NRXN3: variants seen among roughly 807,000 people sequenced by gnomAD.
The protein encoded by NRXN3 is neurexin 3.
In NRXN3, 32 loss-of-function variants were observed where a neutral mutation model predicts 137.6. That is an observed-to-expected ratio of 0.23 (90% CI 0.18 to 0.31). The LOEUF (loss-of-function observed/expected upper bound fraction) is 0.31, where lower values mean the gene tolerates loss of function less well. Ranked by LOEUF, NRXN3 falls within the 10% of genes least tolerant of loss-of-function variation. The pLI is 1.00. For synonymous variants in NRXN3, 798 were observed against 784.5 expected (o/e 1.02, Z -0.29); for missense variants, 1,574 against 2,062.5 (o/e 0.76, Z 4.59).
chr14:79,242,298 G>A (rs1419387605), intron 15 of NRXN3, among the ~76,000 whole-genome samples: 1 of 152,088 alleles, frequency 6.6e-6, no homozygotes, highest in African/African-American at 2.4e-5. Flanking sequence ...ATCAGCTGGA[G>A]AAGTTAGTGT....
At chr14:79,023,290 G>A (rs2099592772) in intron 15 of NRXN3, among the ~76,000 whole-genome samples, 1 of 151,984 alleles carries the variant, frequency 6.6e-6, no homozygotes, top group African/African-American at 2.4e-5. Flanking sequence ...GTAATATTCA[G>A]GGTACTGGGG....
intron 17 of NRXN3, among the ~76,000 whole-genome samples, chr14:79,683,292 A>G (rs979039917): frequency 3.3e-5 from 5 of 152,186 alleles, no homozygotes; most frequent in Non-Finnish European, 7.3e-5. Flanking sequence ...GCTAGATTTA[A>G]AAAAGAATAT....
At chr14:78,893,937 G>A (rs1278075982) in intron 10 of NRXN3, among the ~76,000 whole-genome samples, 1 of 151,866 alleles carries the variant, frequency 6.6e-6, no homozygotes, top group African/African-American at 2.4e-5. Context: ...GCAATAGAAT[G>A]ATGTCTAAAA....
At chr14:78,419,944 T>C (rs1037594768) in intron 4 of NRXN3, among the ~76,000 whole-genome samples, 1 of 17,212 alleles carries the variant, frequency 5.8e-5, no homozygotes, top group South Asian at 1.8e-3. Flanking sequence ...TGCACGTGTG[T>C]GCGCGCGCGC....
chr14:79,631,710 A>G (rs796442930), intron 16 of NRXN3, among the ~76,000 whole-genome samples: 2 of 73,322 alleles, frequency 2.7e-5, no homozygotes, highest in Non-Finnish European at 4.5e-5. Flanking sequence ...GTTTGTAAAC[A>G]CCCAATCAGC....
intron 10 of NRXN3, among the ~76,000 whole-genome samples, chr14:78,941,370 G>A (rs1398733212): frequency 6.6e-6 from 1 of 152,132 alleles, no homozygotes; most frequent in East Asian, 1.9e-4. Flanking sequence ...ATCTAGGGCT[G>A]GCAGGGATTC....
intron 10 of NRXN3, among the ~76,000 whole-genome samples, chr14:78,845,162 T>C (rs532610739): frequency 2.0e-5 from 3 of 152,186 alleles, no homozygotes; most frequent in Non-Finnish European, 4.4e-5. Flanking sequence ...GTTTGAGTCA[T>C]TTAGGGTTTC....
intron 4 of NRXN3, among the ~76,000 whole-genome samples, chr14:78,462,993 C>T (rs920906989): frequency 2.6e-5 from 4 of 152,116 alleles, no homozygotes; most frequent in Non-Finnish European, 5.9e-5. Context: ...TATCCCTCAT[C>T]CCCTCCCATT....
At chr14:78,303,509 T>G (rs1419786549) in intron 4 of NRXN3, among the ~76,000 whole-genome samples, 1 of 152,146 alleles carries the variant, frequency 6.6e-6, no homozygotes, top group African/African-American at 2.4e-5. Context: ...AAATTAAAAT[T>G]AAATCGGGTC....
At chr14:79,190,754 GA>G (rs1646532082) in intron 15 of NRXN3, among the ~76,000 whole-genome samples, 1 of 152,118 alleles carries the variant, frequency 6.6e-6, no homozygotes, top group Non-Finnish European at 1.5e-5. Flanking sequence ...AGGGAAAAGG[GA>G]AACTTGATCT....
chr14:78,574,257 T>G (rs886318637), intron 4 of NRXN3, among the ~76,000 whole-genome samples: 45 of 152,302 alleles, frequency 3.0e-4, no homozygotes, highest in African/African-American at 1.1e-3. Context: ...AAGGGAAATG[T>G]GGGGTCTGAG....
At chr14:78,810,101 A>G (rs537432553) in intron 9 of NRXN3, among the ~76,000 whole-genome samples, 1 of 151,714 alleles carries the variant, frequency 6.6e-6, no homozygotes, top group Non-Finnish European at 1.5e-5. Context: ...GTGTATATAT[A>G]TGTGTGTGTG....
At chr14:79,754,196 T>G (rs1471851496) in intron 19 of NRXN3, among the ~76,000 whole-genome samples, 1 of 151,478 alleles carries the variant, frequency 6.6e-6, no homozygotes, top group Non-Finnish European at 1.5e-5. Context: ...ACAAAAATTA[T>G]TCAGGTGTGG....
intron 15 of NRXN3, among the ~76,000 whole-genome samples, chr14:79,185,205 C>A (rs2063382669): frequency 6.6e-6 from 1 of 151,738 alleles, no homozygotes; most frequent in African/African-American, 2.4e-5. Context: ...ACACTAATAC[C>A]CAGGAAATTT....
rs757731278 is a variant in NRXN3 at position 79,467,446 on chromosome 14, G to T, written c.3444+44G>T. ...CCTGGATTTTCTTATGTTACTGGTG[G>T]TCTGAGTTAGTGATTCAGGTAGACG... On this transcript the variant is annotated intron_variant, in intron 16 of 20. Transcript: ENST00000335750. 5 of 1,510,286 alleles carry T rather than the reference G, an allele frequency of 3.3e-6. No homozygotes were observed. In the African/African-American group the frequency reaches 4.1e-5, roughly 12 times the overall value. 93.6% of individuals were successfully genotyped at this position (1,510,286 alleles called of 1,614,324 possible). A position where few individuals can be genotyped will look rare whatever the true frequency, so the allele number is the denominator to read the frequency against.
intron 6 of NRXN3, among the ~76,000 whole-genome samples, chr14:78,673,384 A>G (rs527907478): frequency 5.9e-5 from 9 of 152,328 alleles, no homozygotes; most frequent in South Asian, 4.1e-4. Context: ...AGTCCAAGCA[A>G]TGGTTCAAGC....
At chr14:79,354,303 G>A (rs560330733) in intron 15 of NRXN3, among the ~76,000 whole-genome samples, 10 of 152,150 alleles carry the variant, frequency 6.6e-5, no homozygotes, top group African/African-American at 2.2e-4. Context: ...TAAAAATATG[G>A]TATCAATGAT....
intron 4 of NRXN3, among the ~76,000 whole-genome samples, chr14:78,548,922 G>A (rs2096661014): frequency 6.6e-6 from 1 of 152,174 alleles, no homozygotes; most frequent in Non-Finnish European, 1.5e-5. Context: ...TCCTAGGACT[G>A]AAGGACCTGT....
intron 10 of NRXN3, among the ~76,000 whole-genome samples, chr14:78,865,280 TTAACA>T (rs1211385960): frequency 2.0e-5 from 3 of 152,210 alleles, no homozygotes; most frequent in Non-Finnish European, 4.4e-5. Flanking sequence ...ATATATTGTA[TTAACA>T]TTTCTATGAA....
Sources: gnomAD v4.1 joint callset for allele counts (sites outside exome capture counted in the v4.1 genomes callset) on GRCh38, gnomAD v4.1.1 for gene constraint, MANE v1.5 for transcripts, NCBI Gene and HGNC (gene_info 2026-07-23, HGNC 2026-07-21) for gene names.